The following MYLK variants were observed in gnomAD, a reference collection of about 807,000 sequenced individuals.
MYLK encodes the protein myosin light chain kinase, smooth muscle.
A neutral mutation model predicts 203.4 loss-of-function variants in MYLK; 106 were observed. The observed-to-expected ratio is 0.52, with a 90% confidence interval of 0.45 to 0.61. The LOEUF is 0.61. Ranked by LOEUF, MYLK falls within the 20% of genes least tolerant of loss-of-function variation. MYLK has a pLI of 0.00. For synonymous variants in MYLK, 867 were observed against 959.5 expected, an observed-to-expected ratio of 0.90 and a Z score of 1.78; for missense variants, 2,072 against 2,442.3, an observed-to-expected ratio of 0.85 and a Z score of 3.20.
At chr3:123,622,732 T>C (rs1477932811) in intron 31 of MYLK, 2 of 152,210 alleles carry the variant, frequency 1.3e-5, no homozygotes, top group African/African-American at 2.4e-5. Flanking sequence ...AATTGATTTG[T>C]GAAAAAAAAT....
chr3:123,657,084 G>C (rs548948607), intron 24 of MYLK, 42 bp downstream of exon 24: 3 of 1,605,050 alleles, frequency 1.9e-6, no homozygotes, highest in East Asian at 2.2e-5. Context: ...GGTCAGTCAC[G>C]CACATTTGTT....
In MYLK at chr3:123,643,000, G is replaced by A. The variant is rs1352218315; in HGVS notation, c.4620-2496C>T. ...CCAGGTCATCCTTATGATCAGACAAGTTTGAGAAATACTGGCTTACTCAAC... is the reference window on the plus strand; with the variant it reads ...CCAGGTCATCCTTATGATCAGACAAATTTGAGAAATACTGGCTTACTCAAC... On this transcript the variant is annotated intron_variant, in intron 27 of 33. Coordinates refer to ENST00000360304, the MANE Select transcript of MYLK (RefSeq NM_053025.4). The surrounding 1 kb of genome is among the most constrained non-coding windows in gnomAD (Gnocchi z 4.2). Among the ~76,000 whole-genome samples, 3 of 152,214 alleles carry A rather than the reference G, an allele frequency of 2.0e-5. No individual in the cohort carries two copies. Among genetic ancestry groups the A allele is most frequent in the Non-Finnish European group, 4.4e-5 (3 of 68,038 alleles).
chr3:123,858,601 A>G (rs1279082812), intron 2 of MYLK, among the ~76,000 whole-genome samples: 5 of 151,920 alleles, frequency 3.3e-5, no homozygotes, highest in Non-Finnish European at 4.4e-5. Flanking sequence ...TTATAACACC[A>G]CCAGTTCTCC....
intron 12 of MYLK, among the ~76,000 whole-genome samples, chr3:123,723,031 G>A (rs1357621089): frequency 6.6e-6 from 1 of 152,098 alleles, no homozygotes; most frequent in Non-Finnish European, 1.5e-5. Context: ...ATGTTCCTGG[G>A]AGTTTATCAT....
At chr3:123,803,227 C>A (rs1577024107) in intron 3 of MYLK, among the ~76,000 whole-genome samples, 1 of 152,204 alleles carries the variant, frequency 6.6e-6, no homozygotes, top group African/African-American at 2.4e-5. Flanking sequence ...GGGTCAGCAA[C>A]GTGCATAAAA....
intron 19 of MYLK, chr3:123,692,294 A>G: frequency 4.5e-6 from 5 of 1,121,052 alleles, no homozygotes; most frequent in South Asian, 2.2e-5. Flanking sequence ...TCCTCTAGGA[A>G]GTCTCCCACA....
intron 2 of MYLK, among the ~76,000 whole-genome samples, chr3:123,841,500 T>C (rs1041404152): frequency 1.3e-5 from 2 of 152,180 alleles, no homozygotes; most frequent in Non-Finnish European, 2.9e-5. Flanking sequence ...AAGAAGCTGA[T>C]AAGTGATAGC....
chr3:123,808,876 T>A (rs1054712439), intron 3 of MYLK, among the ~76,000 whole-genome samples: 9 of 152,260 alleles, frequency 5.9e-5, no homozygotes, highest in African/African-American at 1.9e-4. Context: ...TGAGTAATAG[T>A]AGCCAAAGTT....
chr3:123,676,705 AG>A (rs1182056271), intron 20 of MYLK, among the ~76,000 whole-genome samples: 1 of 152,238 alleles, frequency 6.6e-6, no homozygotes, highest in Non-Finnish European at 1.5e-5. Flanking sequence ...ACCACAGTGG[AG>A]GCAGGGACCC....
At chr3:123,675,500 T>C (rs949632025) in intron 20 of MYLK, among the ~76,000 whole-genome samples, 39 of 152,094 alleles carry the variant, frequency 2.6e-4, no homozygotes, top group African/African-American at 8.5e-4. Context: ...ATTTGCAAGA[T>C]AGGTGCAGAG....
intron 22 of MYLK, among the ~76,000 whole-genome samples, chr3:123,665,477 C>T (rs1030470845): frequency 6.6e-6 from 1 of 152,186 alleles, no homozygotes; most frequent in Non-Finnish European, 1.5e-5. Flanking sequence ...AAGTGTTCAT[C>T]TCTGGGGCTA....
rs918302022 is a variant in MYLK at position 123,810,220 on chromosome 3, G to A, written c.-3-16376C>T. Among the ~76,000 whole-genome samples the A allele has an allele frequency of 3.9e-5, 6 of 152,284 alleles. No homozygotes were observed. The South Asian group carries it at 6.2e-4, about 16-fold the overall frequency. ...ATGACATAAGTGCTGTAGGTGAAAC[G>A]CGGACATAGGCCCCTCCCCCAGACC... On this transcript the variant is annotated intron_variant, in intron 3 of 33. Transcript: ENST00000360304.
chr3:123,677,783 T>C (rs541803853), intron 20 of MYLK, among the ~76,000 whole-genome samples: 5 of 151,296 alleles, frequency 3.3e-5, no homozygotes, highest in Non-Finnish European at 7.4e-5. Context: ...ATTGTAGTTA[T>C]GTTCTTAGGA....
chr3:123,855,009 C>CT (rs2031223305), intron 2 of MYLK, among the ~76,000 whole-genome samples: 1 of 152,044 alleles, frequency 6.6e-6, no homozygotes, highest in South Asian at 2.1e-4. Context: ...TTAAGTTGCT[C>CT]TTTTTTCTCT....
chr3:123,689,552 T>G (rs1463667497), intron 19 of MYLK: 1 of 152,266 alleles, frequency 6.6e-6, no homozygotes, highest in Non-Finnish European at 1.5e-5. Flanking sequence ...ACACCAGATC[T>G]ACACCTACTG....
chr3:123,785,525 C>G (rs144025755), intron 4 of MYLK, among the ~76,000 whole-genome samples: 1 of 152,252 alleles, frequency 6.6e-6, no homozygotes, highest in African/African-American at 2.4e-5. Context: ...CAAAGATTCT[C>G]TCATCAACAG....
intron 1 of MYLK, among the ~76,000 whole-genome samples, chr3:123,878,898 G>C (rs746691758): frequency 1.3e-5 from 2 of 152,134 alleles, no homozygotes; most frequent in Non-Finnish European, 2.9e-5. Context: ...CGTTGGTCAG[G>C]CTGGTCCTGA....
At chr3:123,709,314 G>T in intron 14 of MYLK, 1 of 236,634 alleles carries the variant, frequency 4.2e-6, no homozygotes. Context: ...CTAATTTTTT[G>T]TATTTTTTAG....
At chr3:123,835,668 T>C (rs534793979) in intron 2 of MYLK, among the ~76,000 whole-genome samples, 4 of 152,304 alleles carry the variant, frequency 2.6e-5, no homozygotes, top group Non-Finnish European at 5.9e-5. Context: ...CAAAAGTTTC[T>C]CTCTGACCTT....
Sources: allele counts gnomAD v4.1 joint callset (sites outside exome capture counted in the v4.1 genomes callset), GRCh38; gene constraint gnomAD v4.1.1; non-coding constraint Gnocchi (gnomAD v3.1); transcripts MANE v1.5; gene names NCBI Gene and HGNC (gene_info 2026-07-23, HGNC 2026-07-21).